Variants in KCNB2 observed in about 807,000 individuals in gnomAD.
KCNB2 encodes potassium voltage-gated channel subfamily B member 2.
In KCNB2, 15 loss-of-function variants were observed where a neutral mutation model predicts 61.5. The ratio of observed to expected loss-of-function variants is 0.24; its 90% CI spans 0.16 to 0.38. The LOEUF is 0.38. Among genes scored for constraint, KCNB2 ranks in the 10% least tolerant of loss-of-function variants. The pLI, the probability that KCNB2 is intolerant of heterozygous loss-of-function variation, is 1.00. For synonymous variants in KCNB2, 457 were observed against 446.0 expected (o/e 1.02, Z -0.31); for missense variants, 828 against 1,125.2 (o/e 0.74, Z 3.78).
intron 2 of KCNB2, among the ~76,000 whole-genome samples, chr8:72,871,025 G>C (rs1333108859): frequency 6.6e-6 from 1 of 152,130 alleles, no homozygotes; most frequent in Non-Finnish European, 1.5e-5. Context: ...TTGAAGTGGA[G>C]TCAAAATAGA....
At chr8:72,847,645 T>C (rs1256055405) in intron 2 of KCNB2, among the ~76,000 whole-genome samples, 1 of 152,220 alleles carries the variant, frequency 6.6e-6, no homozygotes, top group Non-Finnish European at 1.5e-5. Context: ...CATCTGTTGC[T>C]ACCAACCTAG....
intron 2 of KCNB2, among the ~76,000 whole-genome samples, chr8:72,905,816 C>T (rs1254176665): frequency 6.6e-6 from 1 of 151,998 alleles, no homozygotes; most frequent in Non-Finnish European, 1.5e-5. Flanking sequence ...TCAGTCCATC[C>T]AGAACTCATG....
chr8:72,764,055 AG>A (rs1808424930), intron 2 of KCNB2, among the ~76,000 whole-genome samples: 1 of 152,114 alleles, frequency 6.6e-6, no homozygotes, highest in Non-Finnish European at 1.5e-5. Flanking sequence ...CACAGAAACC[AG>A]GGCCAGTAAC....
At chr8:72,598,837 C>A (rs1036995754) in intron 2 of KCNB2, among the ~76,000 whole-genome samples, 2 of 152,152 alleles carry the variant, frequency 1.3e-5, no homozygotes, top group Non-Finnish European at 2.9e-5. Flanking sequence ...TGAGTGAACT[C>A]CCATTCACAA....
rs565506440 is a variant in KCNB2, at chr8:72,725,017, G to A, written c.579+156704G>A. 4.9e-4 allele frequency among the ~76,000 whole-genome samples: 74 copies of A among 151,978 alleles called. 1 individual carries two copies. The highest frequency in any genetic ancestry group is 6.8e-3 in the Middle Eastern group (2 of 294). ...ATATCACATTTACTTCCACAAAATTGTTTTAAGGTTTAGTTCTCTTTACAT... is the reference window on the plus strand; with the variant it reads ...ATATCACATTTACTTCCACAAAATTATTTTAAGGTTTAGTTCTCTTTACAT... On this transcript the variant is annotated intron_variant, in intron 2 of 2. Transcript: ENST00000523207.
chr8:72,679,846 A>G (rs1806723017), intron 2 of KCNB2, among the ~76,000 whole-genome samples: 6 of 152,138 alleles, frequency 3.9e-5, no homozygotes, highest in Admixed American at 2.6e-4. Context: ...CTATTGAACC[A>G]AACTAACTGC....
chr8:72,591,124 C>G (rs535376284), intron 2 of KCNB2, among the ~76,000 whole-genome samples: 6 of 152,174 alleles, frequency 3.9e-5, no homozygotes, highest in African/African-American at 1.2e-4. Flanking sequence ...TTTTTGTTAA[C>G]TCCTTTGAAA....
At chr8:72,570,756 T>C (rs1175325802) in intron 2 of KCNB2, among the ~76,000 whole-genome samples, 2 of 152,168 alleles carry the variant, frequency 1.3e-5, no homozygotes, top group African/African-American at 2.4e-5. Flanking sequence ...GAAGCCCTTG[T>C]GTAGGAATGC....
intron 1 of KCNB2, among the ~76,000 whole-genome samples, chr8:72,556,217 T>C (rs1806423788): frequency 6.6e-6 from 1 of 152,180 alleles, no homozygotes; most frequent in Non-Finnish European, 1.5e-5. Flanking sequence ...TATTTTCTTA[T>C]CAAATTTTGC....
At chr8:72,583,691 A>G (rs1806947232) in intron 2 of KCNB2, among the ~76,000 whole-genome samples, 1 of 152,146 alleles carries the variant, frequency 6.6e-6, no homozygotes, top group Non-Finnish European at 1.5e-5. Context: ...GAAAATAGAA[A>G]ATTGAAAAGA....
At chr8:72,891,194 C>T (rs142525243) in intron 2 of KCNB2, among the ~76,000 whole-genome samples, 55 of 152,278 alleles carry the variant, frequency 3.6e-4, no homozygotes, top group African/African-American at 1.2e-3. Context: ...CCACATGCTG[C>T]TTACATATTT....
At chr8:72,791,992 A>G (rs1420328547) in intron 2 of KCNB2, among the ~76,000 whole-genome samples, 2 of 152,228 alleles carry the variant, frequency 1.3e-5, no homozygotes, top group Non-Finnish European at 2.9e-5. Context: ...AGAGAGAGAA[A>G]GAGAAAAATC....
chr8:72,760,162 G>A (rs1808353577), intron 2 of KCNB2, among the ~76,000 whole-genome samples: 1 of 152,138 alleles, frequency 6.6e-6, no homozygotes, highest in Non-Finnish European at 1.5e-5. Context: ...CTACAGATTT[G>A]GAGCCAGATC....
chr8:72,638,711 A>C (rs1430432664), intron 2 of KCNB2, among the ~76,000 whole-genome samples: 1 of 152,118 alleles, frequency 6.6e-6, no homozygotes, highest in Admixed American at 6.6e-5. Context: ...GCTGGAAAAA[A>C]CTCAGAAGCC....
At chr8:72,901,299 A>G (rs1359676010) in intron 2 of KCNB2, among the ~76,000 whole-genome samples, 1 of 152,218 alleles carries the variant, frequency 6.6e-6, no homozygotes, top group African/African-American at 2.4e-5. Flanking sequence ...GGCACATTTT[A>G]GCAGTGACTG....
At chr8:72,820,884 CT>C (rs1037429993) in intron 2 of KCNB2, among the ~76,000 whole-genome samples, 2 of 152,102 alleles carry the variant, frequency 1.3e-5, no homozygotes, top group African/African-American at 4.8e-5. Flanking sequence ...TCTGAACATT[CT>C]TTCTTTCCTT....
intron 2 of KCNB2, among the ~76,000 whole-genome samples, chr8:72,602,654 T>C (rs911368230): frequency 3.3e-5 from 5 of 152,276 alleles, no homozygotes; most frequent in Non-Finnish European, 5.9e-5. Context: ...CTCACAATTT[T>C]ATGGGTTGGG....
chr8:72,808,004 A>G (rs1054042532), intron 2 of KCNB2, among the ~76,000 whole-genome samples: 3 of 152,206 alleles, frequency 2.0e-5, no homozygotes, highest in Non-Finnish European at 4.4e-5. Context: ...TTGCCAGAAT[A>G]TCCTACCATG....
chr8:72,657,629 T>C (rs1044673400), intron 2 of KCNB2, among the ~76,000 whole-genome samples: 1 of 152,142 alleles, frequency 6.6e-6, no homozygotes, highest in Non-Finnish European at 1.5e-5. Flanking sequence ...CTATCCAGTT[T>C]CCACTGAGCA....
Sources: gnomAD v4.1 joint callset for allele counts (sites outside exome capture counted in the v4.1 genomes callset) on GRCh38, gnomAD v4.1.1 for gene constraint, MANE v1.5 for transcripts, NCBI Gene and HGNC (gene_info 2026-07-23, HGNC 2026-07-21) for gene names.